CSPG4: variants seen among roughly 807,000 people sequenced by gnomAD.
CSPG4 encodes the protein chondroitin sulfate proteoglycan 4.
Under a neutral mutation model 139.3 loss-of-function variants are expected in CSPG4, and 74 were observed. The observed-to-expected ratio is 0.53, with a 90% CI of 0.44 to 0.64. The LOEUF (loss-of-function observed/expected upper bound fraction) is 0.64, where lower values mean the gene tolerates loss of function less well. CSPG4 is among the 30% of genes least tolerant of loss of function. The probability of loss-of-function intolerance (pLI) is 0.00; values close to 1 mark genes in which losing one functional copy is unlikely to be tolerated. For missense variants in CSPG4, 2,565 were observed against 3,148.3 expected, an observed-to-expected ratio of 0.81 and a Z score of 4.43; for synonymous variants, 1,234 against 1,394.2, an observed-to-expected ratio of 0.89 and a Z score of 2.56.
chr15:75,677,316 C>T lies in CSPG4; in HGVS notation c.5203G>A (p.Ala1735Thr). The change falls in exon 10 of 10, where the codon GCC (alanine) becomes ACC (threonine). Residue 1735 changes from alanine to threonine, a missense_variant. Physicochemically the swap from Ala to Thr is moderately conservative, Grantham distance 58. Transcript: ENST00000308508. Reference protein sequence around the residue: ...VAALDASNLLASVPSPQRSEH... With the variant: ...VAALDASNLLTSVPSPQRSEH... ...GAGCGCTGGGGTGATGGAACGCTGG[C>T]CAAGAGATTGGAGGCATCCAGAGCA... The T allele has an allele frequency of 7.0e-7, 1 of 1,427,238 alleles. No individual in the cohort carries two copies. The highest frequency in any genetic ancestry group is 9.2e-7 in the Non-Finnish European group (1 of 1,086,098). 88.4% of individuals were successfully genotyped at this position (1,427,238 alleles called of 1,614,324 possible).
chr15:75,705,995 A>G (rs1438923660), intron 1 of CSPG4, among the ~76,000 whole-genome samples: 4 of 151,876 alleles, frequency 2.6e-5, no homozygotes, highest in South Asian at 2.1e-4. Context: ...CTGTGTGCGT[A>G]TGTCTGTGTC....
Position 75,675,634 on chromosome 15 carries a change from AG to A in CSPG4, c.6884del (p.Pro2295LeufsTer37). 1.3e-6 allele frequency: 2 copies of A among 1,520,076 alleles called. No homozygotes were observed. Among genetic ancestry groups the A allele is most frequent in the South Asian group, 1.3e-5 (1 of 76,056 alleles). 94.2% of individuals were successfully genotyped at this position (1,520,076 alleles called of 1,614,324 possible). On this transcript the variant is annotated frameshift_variant, in exon 10 of 10. Coordinates refer to ENST00000308508, the MANE Select transcript of CSPG4 (RefSeq NM_001897.5). LOFTEE classifies it high-confidence loss of function. ...PLTAVPGQGPPPGGQPDPELL... is the reference protein window; with the variant it reads ...PLTAVPGQGPXPGGQPDPELL... ...GCTCTGGGTCAGGCTGGCCTCCTGG[AG>A]GGGGCCCCTGGCCAGGCACAGCTGT...
chr15:75,688,722 T>G lies in CSPG4; in HGVS notation c.2343A>C (p.Arg781Ser), dbSNP rs1169390875. ...SNLSFPVTIQ[R>S]ATVWMLRLEP... Reference sequence around the variant, plus strand: ...CCAGCCGCAGCATCCACACAGTGGCTCTCTGGATGGTCACTGGGAAGGACA... The same window carrying G: ...CCAGCCGCAGCATCCACACAGTGGCGCTCTGGATGGTCACTGGGAAGGACA... Residue 781 changes from arginine to serine, a missense_variant, in exon 3 of 10, where the codon AGA (arginine) becomes AGC (serine). Physicochemically the swap from Arg to Ser is moderately radical, Grantham distance 110. Coordinates refer to ENST00000308508, the MANE Select transcript of CSPG4 (RefSeq NM_001897.5). The G allele has an allele frequency of 4.3e-6, 7 of 1,611,316 alleles. No individual in the cohort carries two copies. The highest frequency in any genetic ancestry group is 5.9e-6 in the Non-Finnish European group (7 of 1,178,838).
chr15:75,712,718 C>T lies in CSPG4; in HGVS notation c.38G>A (p.Gly13Asp), dbSNP rs1439510436. 2 of 1,562,412 alleles carry T rather than the reference C, an allele frequency of 1.3e-6. No individual in the cohort carries two copies. Among genetic ancestry groups the T allele is most frequent in the Non-Finnish European group, 1.7e-6 (2 of 1,154,090 alleles). Residue 13 changes from glycine to aspartate, a missense_variant, in exon 1 of 10, where the codon GGC (glycine) becomes GAC (aspartate). Around this residue, in one of 5 missense-constraint regions of CSPG4, gnomAD observed 47 missense variants for 48.7 expected, o/e 0.97. Coordinates refer to ENST00000308508, the MANE Select transcript of CSPG4 (RefSeq NM_001897.5). ...SGPRPPLPAPGLALALTLTML... is the reference protein window; with the variant it reads ...SGPRPPLPAPDLALALTLTML... ...AGTCAGGGTCAAAGCCAAGGCCAGG[C>T]CGGGGGCTGGAAGTGGGGGCCGCGG...
In CSPG4 at chr15:75,712,807, C is replaced by CTGGG. The variant is rs1336031377; in HGVS notation, c.-56_-53dup. 6.8e-7 allele frequency: 1 copy of CTGGG among 1,469,054 alleles called. No homozygotes were observed. Among genetic ancestry groups the CTGGG allele is most frequent in the Admixed American group, 2.2e-5 (1 of 46,052 alleles). 91.0% of individuals were successfully genotyped at this position (1,469,054 alleles called of 1,614,324 possible). A position where few individuals can be genotyped will look rare whatever the true frequency, so the allele number is the denominator to read the frequency against. On this transcript the variant is annotated 5_prime_UTR_variant, in exon 1 of 10. Transcript: ENST00000308508. ...CGAGGAGCCAGCGGAGTCCTGGGAGCTGGGAGCTGAGTGGAGCGAGCGCGG... is the reference window on the plus strand; with the variant it reads ...CGAGGAGCCAGCGGAGTCCTGGGAGCTGGGTGGGAGCTGAGTGGAGCGAGCGCGG...
At chr15:75,707,089 C>T (rs568544926) in intron 1 of CSPG4, among the ~76,000 whole-genome samples, 15 of 151,876 alleles carry the variant, frequency 9.9e-5, no homozygotes, top group African/African-American at 3.6e-4. Flanking sequence ...TCCTGAGTAG[C>T]TGGGATTACA....
Position 75,689,145 on chromosome 15 carries a change from G to A in CSPG4, c.1920C>T (p.Phe640=), listed in dbSNP as rs1451392948. Residue 640 remains phenylalanine, a synonymous_variant, in exon 3 of 10, where the codon TTC becomes TTT. Transcript: ENST00000308508. ...HRGGPAQDLT[F]RVSDGLQASP... is the part of the protein sequence containing the mutation. The stretch of plus-strand genomic sequence containing the variant: ...TGGCCTGCAGTCCATCGCTGACCCG[G>A]AACGTCAAGTCCTGTGCAGGACCAC... 1 of 1,598,856 alleles carries A rather than the reference G, an allele frequency of 6.3e-7. No homozygotes were observed. The highest frequency in any genetic ancestry group is 1.3e-5 in the African/African-American group (1 of 74,724).
chr15:75,700,596 G>A (rs1894289523), intron 1 of CSPG4, among the ~76,000 whole-genome samples: 1 of 152,154 alleles, frequency 6.6e-6, no homozygotes, highest in Non-Finnish European at 1.5e-5. Context: ...CAGGGGTCTG[G>A]GTGGGAGCTG....
chr15:75,681,212 A>G (rs187093394), intron 8 of CSPG4, among the ~76,000 whole-genome samples: 132 of 152,310 alleles, frequency 8.7e-4, no homozygotes, highest in African/African-American at 2.9e-3. Flanking sequence ...AAGCCCAAGA[A>G]ACTTCATTCC....
In CSPG4 at chr15:75,688,338, C is replaced by T. The variant is rs1370424722; in HGVS notation, c.2727G>A (p.Val909=). 9 of 1,613,280 alleles carry T rather than the reference C, an allele frequency of 5.6e-6. No individual in the cohort carries two copies. Among genetic ancestry groups the T allele is most frequent in the Non-Finnish European group, 6.8e-6 (8 of 1,180,042 alleles). The part of the protein sequence containing the change: ...APVLTNVLLV[V]PEGGEGVLSA... ...AGAGGACACCCTCACCACCCTCAGGCACCACGAGGAGGACATTGGTGAGGA... is the reference window on the plus strand; with the variant it reads ...AGAGGACACCCTCACCACCCTCAGGTACCACGAGGAGGACATTGGTGAGGA... The change falls in exon 3 of 10, where the codon GTG becomes GTA. Residue 909 remains valine (V), a synonymous_variant. Transcript: ENST00000308508.
rs2141424823 is a variant in CSPG4 at position 75,682,894 on chromosome 15, T to C, written c.4597A>G (p.Ser1533Gly). The C allele has an allele frequency of 6.2e-7, 1 of 1,610,924 alleles. No homozygotes were observed. The highest frequency in any genetic ancestry group is 8.5e-7 in the Non-Finnish European group (1 of 1,179,646). ...LRGAPGTEVRSFTQAQLDGGL... is the reference protein window; with the variant it reads ...LRGAPGTEVRGFTQAQLDGGL... ...CCGTCCAGCTGGGCCTGCGTGAAGCTGCGCACCTCAGTGCCCGGCGCCCCC... is the reference window on the plus strand; with the variant it reads ...CCGTCCAGCTGGGCCTGCGTGAAGCCGCGCACCTCAGTGCCCGGCGCCCCC... Residue 1533 changes from serine (S) to glycine (G), a missense_variant, in exon 6 of 10, where the codon AGC becomes GGC. Physicochemically the swap from Ser to Gly is moderately conservative, Grantham distance 56. This residue lies in a region of CSPG4 where 2,316 missense variants were observed against 2,818.2 expected (regional missense o/e 0.82). Coordinates refer to ENST00000308508, the MANE Select transcript of CSPG4 (RefSeq NM_001897.5).
intron 8 of CSPG4, chr15:75,678,664 A>G (rs1287483639): frequency 2.2e-6 from 1 of 456,112 alleles, no homozygotes. Flanking sequence ...AGAAAAAACT[A>G]TTCTTGACTT....
Position 75,676,942 on chromosome 15 carries a change from C to T in CSPG4, c.5577G>A (p.Val1859=). Residue 1859 remains valine, a synonymous_variant, in exon 10 of 10, where the codon GTG becomes GTA. Coordinates refer to ENST00000308508, the MANE Select transcript of CSPG4 (RefSeq NM_001897.5). ...APISRAQLSV[V]DPDSAPGEIE... ...TCTCCCCAGGAGCTGAGTCTGGGTC[C>T]ACCACACTCAGCTGGGCCCGGGAGA... The T allele has an allele frequency of 6.5e-7, 1 of 1,536,858 alleles. No individual in the cohort carries two copies.
intron 1 of CSPG4, among the ~76,000 whole-genome samples, chr15:75,705,361 G>A (rs1422745970): frequency 2.0e-5 from 3 of 152,246 alleles, no homozygotes; most frequent in East Asian, 1.9e-4. Context: ...CCTTTGCCTC[G>A]GAATCTTCCT....
chr15:75,700,780 G>A (rs1894291983), intron 1 of CSPG4, among the ~76,000 whole-genome samples: 3 of 152,214 alleles, frequency 2.0e-5, no homozygotes, highest in Admixed American at 2.0e-4. Context: ...GAGATAGTGA[G>A]TGTGTGAGTT....
chr15:75,699,101 G>A (rs112089445), intron 1 of CSPG4, among the ~76,000 whole-genome samples: 3,180 of 152,292 alleles, frequency 0.021, 121 homozygotes, highest in African/African-American at 0.072. Context: ...CTCCTGTCCC[G>A]TGAGCTACCG....
In CSPG4 at chr15:75,674,536, G is replaced by A. The variant is rs1181805011; in HGVS notation, c.*1014C>T. 5 of 389,580 alleles carry A rather than the reference G, an allele frequency of 1.3e-5. No homozygotes were observed. Among genetic ancestry groups the A allele is most frequent in the East Asian group, 3.6e-5 (1 of 27,618 alleles). 24.1% of individuals were successfully genotyped at this position (389,580 alleles called of 1,614,324 possible). ...CCATCCCACTGGCTGAGGCCAGGCC[G>A]GAGGGCCGACCCCAGGGGCCCTCTG... On this transcript the variant is annotated 3_prime_UTR_variant, in exon 10 of 10. Coordinates refer to ENST00000308508, the MANE Select transcript of CSPG4 (RefSeq NM_001897.5).
chr15:75,691,365 A>T (rs1428976269), intron 2 of CSPG4, among the ~76,000 whole-genome samples: 2 of 152,208 alleles, frequency 1.3e-5, no homozygotes, highest in African/African-American at 2.4e-5. Context: ...TATGAATCAG[A>T]TGTGGTCCTC....
At position 75,682,914 on chromosome 15, in the gene CSPG4, G is replaced by GC. The variant is rs770045405; in HGVS notation, c.4576dup (p.Ala1526GlyfsTer5). On this transcript the variant is annotated frameshift_variant, in exon 6 of 10. Transcript: ENST00000308508. LOFTEE classifies it high-confidence loss of function. ...GAAGCTGCGCACCTCAGTGCCCGGCGCCCCCCGCAGCACTACCCGCCCGTT... is the reference window on the plus strand; with the variant it reads ...GAAGCTGCGCACCTCAGTGCCCGGCGCCCCCCCGCAGCACTACCCGCCCGTT... The GC allele has an allele frequency of 1.9e-6, 3 of 1,610,846 alleles. No individual in the cohort carries two copies. The highest frequency in any genetic ancestry group is 1.3e-5 in the African/African-American group (1 of 74,954).
Sources: allele counts gnomAD v4.1 joint callset (sites outside exome capture counted in the v4.1 genomes callset), GRCh38; gene constraint gnomAD v4.1.1; regional missense constraint gnomAD v4.1.1; transcripts MANE v1.5; gene names NCBI Gene and HGNC (gene_info 2026-07-23, HGNC 2026-07-21).